Variants in CNOT1 observed in about 807,000 individuals in gnomAD.
CNOT1 encodes CCR4-NOT transcription complex subunit 1, also known as CCR4-associated factor 1.
In CNOT1, 15 loss-of-function variants were observed where a neutral mutation model predicts 273.8. That is an observed-to-expected ratio of 0.05 (90% CI 0.04 to 0.08). The LOEUF (loss-of-function observed/expected upper bound fraction) is 0.08. Ranked by LOEUF, CNOT1 falls within the 10% of genes least tolerant of loss-of-function variation. The pLI is 1.00. For synonymous variants in CNOT1, 1,022 were observed against 1,005.5 expected (o/e 1.02, Z -0.31); for missense variants, 1,644 against 2,912.2 (o/e 0.56, Z 10.02).
intron 43 of CNOT1, 32 bp from the exon 44 acceptor site, chr16:58,528,680 C>T (rs2039678499): frequency 6.6e-7 from 1 of 1,524,322 alleles, no homozygotes; most frequent in East Asian, 2.3e-5. Flanking sequence ...AATATTTCCA[C>T]ACTAAGGAAA....
At chr16:58,588,953 A>G in intron 2 of CNOT1, 47 bp from the exon 3 acceptor site, 5 of 1,508,822 alleles carry the variant, frequency 3.3e-6, no homozygotes, top group Admixed American at 2.5e-5. Context: ...GATAAAACAA[A>G]AAAAAAAAGT....
rs8044163 is a variant in CNOT1, at chr16:58,629,540, G to A, written c.-175+188C>T. On this transcript the variant is annotated intron_variant, in intron 1 of 48. Coordinates refer to ENST00000317147, the MANE Select transcript of CNOT1 (RefSeq NM_016284.5). ...TCAGAGCGCGAAGCCTCCGAGAGCC[G>A]TGTGGAGAAGAGTCCGCCCTCTCCC... 3.3e-3 allele frequency among the ~76,000 whole-genome samples: 505 copies of A among 152,224 alleles called. 3 individuals are homozygous for A. Among genetic ancestry groups the A allele is most frequent in the African/African-American group, 0.011 (472 of 41,538 alleles).
chr16:58,555,695 C>T, intron 20 of CNOT1, 89 bp downstream of exon 20: 2 of 1,581,878 alleles, frequency 1.3e-6, no homozygotes, highest in African/African-American at 1.3e-5. Context: ...TATCAGGGCA[C>T]TTTGAGCTGG....
rs1156863861 is a variant in CNOT1, at chr16:58,525,965, G to A, written c.6603+24C>T. 6 of 1,606,848 alleles carry A rather than the reference G, an allele frequency of 3.7e-6. No homozygotes were observed. In the South Asian group the frequency reaches 5.5e-5, roughly 15 times the overall value. ...AGTGCTTTATATGGAAGACGTAGAT[G>A]AGTTTTAAGCCAAACCAATTAACCT... On this transcript the variant is annotated intron_variant, in intron 45 of 48. Transcript: ENST00000317147.
Position 58,526,153 on chromosome 16 carries a change from A to G in CNOT1, c.6454-15T>C, listed in dbSNP as rs966190694. On this transcript the variant is annotated splice_polypyrimidine_tract_variant and intron_variant, in intron 44 of 48. Transcript: ENST00000317147. ...AACATGTCCACCTGCCACAGATAAA[A>G]TGCAAGAATCACAAGCAGAATCATT... is the stretch of plus-strand genomic sequence containing the variant. The G allele has an allele frequency of 1.2e-6, 2 of 1,613,452 alleles. No individual in the cohort carries two copies. The highest frequency in any genetic ancestry group is 2.7e-5 in the African/African-American group (2 of 74,920).
chr16:58,608,124 C>A (rs916678806), intron 1 of CNOT1, among the ~76,000 whole-genome samples: 1 of 151,498 alleles, frequency 6.6e-6, no homozygotes, highest in Non-Finnish European at 1.5e-5. Context: ...TGCAAGGAGC[C>A]GAGATTATGC....
chr16:58,600,768 A>G (rs1264916459), intron 1 of CNOT1, among the ~76,000 whole-genome samples: 2 of 152,156 alleles, frequency 1.3e-5, no homozygotes, highest in East Asian at 3.9e-4. Flanking sequence ...TTTAACTCCA[A>G]CCACCTGCTG....
chr16:58,594,675 G>A (rs995462644), intron 2 of CNOT1, among the ~76,000 whole-genome samples: 1 of 151,662 alleles, frequency 6.6e-6, no homozygotes, highest in African/African-American at 2.4e-5. Flanking sequence ...GGTGGTGCAC[G>A]CCTGTAATCC....
At chr16:58,567,417 G>A (rs1332360293) in intron 16 of CNOT1, among the ~76,000 whole-genome samples, 2 of 151,870 alleles carry the variant, frequency 1.3e-5, no homozygotes. Context: ...CAGCTCAGGG[G>A]TTTGAGACCA....
chr16:58,560,647 G>A (rs936378235), intron 16 of CNOT1, among the ~76,000 whole-genome samples: 1 of 152,174 alleles, frequency 6.6e-6, no homozygotes, highest in African/African-American at 2.4e-5. Context: ...GAAAGGCTGA[G>A]GCGGAAGGAT....
chr16:58,522,661 A>G (rs1030458207), intron 47 of CNOT1, among the ~76,000 whole-genome samples: 1 of 152,206 alleles, frequency 6.6e-6, no homozygotes, highest in African/African-American at 2.4e-5. Context: ...TGATCCTGTT[A>G]TTGCTACTGC....
chr16:58,545,491 G>A lies in CNOT1; in HGVS notation c.4007C>T (p.Thr1336Ile). Residue 1336 changes from threonine to isoleucine, a missense_variant and splice_region_variant, in exon 30 of 49, where the codon ACA becomes ATA. Coordinates refer to ENST00000317147, the MANE Select transcript of CNOT1 (RefSeq NM_016284.5). ...PEELPPITTTTTSTTPATNTT... is the reference protein window; with the variant it reads ...PEELPPITTTITSTTPATNTT... Reference sequence around the variant, plus strand: ...GTTGGTAGCTGGTGTAGTAGAAGTTGCTAAATGTCAAGTAATAAAAAGAGA... The same window carrying A: ...GTTGGTAGCTGGTGTAGTAGAAGTTACTAAATGTCAAGTAATAAAAAGAGA... 3 of 1,613,520 alleles carry A rather than the reference G, an allele frequency of 1.9e-6. No individual in the cohort carries two copies. Among genetic ancestry groups the A allele is most frequent in the Non-Finnish European group, 2.5e-6 (3 of 1,179,804 alleles).
intron 2 of CNOT1, among the ~76,000 whole-genome samples, chr16:58,590,219 T>A (rs1387923506): frequency 1.3e-5 from 2 of 152,096 alleles, no homozygotes; most frequent in Non-Finnish European, 2.9e-5. Context: ...CCACCATCTA[T>A]CCCCACGGAT....
chr16:58,577,778 T>A (rs2041510150), intron 13 of CNOT1, among the ~76,000 whole-genome samples: 1 of 150,002 alleles, frequency 6.7e-6, no homozygotes, highest in Admixed American at 6.7e-5. Flanking sequence ...AGGTTGAGGC[T>A]GCAGTGAGAC....
At position 58,537,161 on chromosome 16, in the gene CNOT1, T is replaced by C; in HGVS notation, c.5474A>G (p.His1825Arg). 1 of 1,614,034 alleles carries C rather than the reference T, an allele frequency of 6.2e-7. No individual in the cohort carries two copies. Among genetic ancestry groups the C allele is most frequent in the Non-Finnish European group, 8.5e-7 (1 of 1,179,930 alleles). Reference sequence around the variant, plus strand: ...ATGCATCATAAAGTTTGGGCCTCCATGAGCACGATCAATCATTGCTTCATA... The same window carrying C: ...ATGCATCATAAAGTTTGGGCCTCCACGAGCACGATCAATCATTGCTTCATA... The part of the protein sequence containing the change: ...SNYEAMIDRA[H>R]GGPNFMMHSG... Residue 1825 changes from histidine (H) to arginine (R), a missense_variant, in exon 39 of 49, where the codon CAT becomes CGT. This residue lies in a region of CNOT1 where 133 missense variants were observed against 328.2 expected (regional missense o/e 0.41). Coordinates refer to ENST00000317147, the MANE Select transcript of CNOT1 (RefSeq NM_016284.5).
intron 47 of CNOT1, among the ~76,000 whole-genome samples, chr16:58,521,935 A>G (rs927512635): frequency 3.3e-5 from 5 of 152,194 alleles, no homozygotes; most frequent in Non-Finnish European, 7.3e-5. Flanking sequence ...TGGGAGACAG[A>G]GTGAGACCCT....
chr16:58,577,522 C>T (rs2041499182), intron 13 of CNOT1, among the ~76,000 whole-genome samples: 1 of 152,090 alleles, frequency 6.6e-6, no homozygotes, highest in African/African-American at 2.4e-5. Flanking sequence ...TTGTAAAAAG[C>T]ACTTGTATAT....
intron 1 of CNOT1, among the ~76,000 whole-genome samples, chr16:58,601,286 C>T (rs777303927): frequency 1.1e-4 from 17 of 152,120 alleles, no homozygotes; most frequent in Non-Finnish European, 2.2e-4. Context: ...TTAGTAGAGA[C>T]AGGGTTTTGC....
In CNOT1 at chr16:58,575,262, A is replaced by C. The variant is rs2041418327; in HGVS notation, c.1705-133T>G. The C allele has an allele frequency of 3.0e-6, 4 of 1,328,132 alleles. No homozygotes were observed. In the East Asian group the frequency reaches 1.0e-4, roughly 33 times the overall value. 82.3% of individuals were successfully genotyped at this position (1,328,132 alleles called of 1,614,324 possible). A position where few individuals can be genotyped will look rare whatever the true frequency, so the allele number is the denominator to read the frequency against. On this transcript the variant is annotated intron_variant, in intron 14 of 48. Coordinates refer to ENST00000317147, the MANE Select transcript of CNOT1 (RefSeq NM_016284.5). Reference sequence around the variant, plus strand: ...GCTAATACTTCCTTGGTCACAATTTAAACAGCTAAGCACAATTCAGGGGTA... The same window carrying C: ...GCTAATACTTCCTTGGTCACAATTTCAACAGCTAAGCACAATTCAGGGGTA...
Sources: gnomAD v4.1 joint callset for allele counts (sites outside exome capture counted in the v4.1 genomes callset) on GRCh38, gnomAD v4.1.1 for gene constraint, gnomAD v4.1.1 regional missense constraint, MANE v1.5 for transcripts, NCBI Gene and HGNC (gene_info 2026-07-23, HGNC 2026-07-21) for gene names.